CNNM2: variants seen among roughly 807,000 people sequenced by gnomAD.
The protein encoded by CNNM2 is metal transporter CNNM2.
A neutral mutation model predicts 66.9 loss-of-function variants in CNNM2; 12 were observed. That is an observed-to-expected ratio of 0.18 (90% confidence interval 0.11 to 0.29). CNNM2 has a LOEUF of 0.29. Among genes scored for constraint, CNNM2 ranks in the 10% least tolerant of loss-of-function variants. CNNM2 has a pLI of 1.00. For missense variants in CNNM2, 705 were observed against 1,167.7 expected, an observed-to-expected ratio of 0.60 and a Z score of 5.77; for synonymous variants, 557 against 501.8, an observed-to-expected ratio of 1.11 and a Z score of -1.47.
chr10:103,042,962 G>A (rs1031028242), intron 1 of CNNM2, among the ~76,000 whole-genome samples: 4 of 152,056 alleles, frequency 2.6e-5, no homozygotes, highest in African/African-American at 7.2e-5. Context: ...CCTATTTATT[G>A]AATTATTATA....
At chr10:103,019,616 CA>C (rs2064530684) in intron 1 of CNNM2, among the ~76,000 whole-genome samples, 1 of 152,134 alleles carries the variant, frequency 6.6e-6, no homozygotes, top group Admixed American at 6.5e-5. Context: ...GGCGTCTCAC[CA>C]TGTAGCATTC....
intron 1 of CNNM2, among the ~76,000 whole-genome samples, chr10:102,970,083 T>C (rs1590328428): frequency 6.6e-6 from 1 of 152,270 alleles, no homozygotes; most frequent in Non-Finnish European, 1.5e-5. Context: ...TGATATAAAC[T>C]ACCTGTGGCC....
intron 1 of CNNM2, among the ~76,000 whole-genome samples, chr10:102,967,554 T>C (rs2063483867): frequency 6.6e-6 from 1 of 152,236 alleles, no homozygotes. Flanking sequence ...CTACTTTCAC[T>C]TAGCAAAATG....
intron 1 of CNNM2, among the ~76,000 whole-genome samples, chr10:103,004,128 A>T: frequency 1.4e-5 from 1 of 69,844 alleles, no homozygotes; most frequent in African/African-American, 5.8e-5. Context: ...TCAGCCTCCC[A>T]AGTAGCTGGA....
At chr10:102,976,977 A>C (rs766151186) in intron 1 of CNNM2, among the ~76,000 whole-genome samples, 1 of 152,100 alleles carries the variant, frequency 6.6e-6, no homozygotes, top group Non-Finnish European at 1.5e-5. Context: ...ATGCAGCTTG[A>C]CTATTAACAC....
intron 4 of CNNM2, among the ~76,000 whole-genome samples, chr10:103,059,656 A>G (rs1185509065): frequency 6.6e-6 from 1 of 152,212 alleles, no homozygotes; most frequent in African/African-American, 2.4e-5. Flanking sequence ...TTGGCTCTAC[A>G]TGCTTTAAAT....
intron 1 of CNNM2, among the ~76,000 whole-genome samples, chr10:102,946,728 C>G (rs916461062): frequency 6.6e-5 from 10 of 152,230 alleles, no homozygotes; most frequent in African/African-American, 2.4e-4. Flanking sequence ...TTTCTGTAGC[C>G]TGAAAGAGTT....
intron 1 of CNNM2, among the ~76,000 whole-genome samples, chr10:102,926,138 A>G (rs1845851714): frequency 6.6e-6 from 1 of 152,196 alleles, no homozygotes; most frequent in African/African-American, 2.4e-5. Context: ...TCATCAAAGC[A>G]TTTGAAGCCC....
intron 1 of CNNM2, among the ~76,000 whole-genome samples, chr10:102,983,178 C>G (rs1228225383): frequency 6.6e-6 from 1 of 151,472 alleles, no homozygotes; most frequent in East Asian, 1.9e-4. Flanking sequence ...CAGGTGTGAT[C>G]TAAATATTAT....
intron 1 of CNNM2, among the ~76,000 whole-genome samples, chr10:103,029,609 T>A (rs2064782653): frequency 1.3e-5 from 2 of 152,138 alleles, no homozygotes; most frequent in South Asian, 4.1e-4. Context: ...ACGCCTGTAA[T>A]CCCAGCACTT....
intron 4 of CNNM2, among the ~76,000 whole-genome samples, chr10:103,066,090 G>A (rs565562224): frequency 6.6e-5 from 10 of 152,224 alleles, no homozygotes; most frequent in Non-Finnish European, 1.0e-4. Flanking sequence ...TGCTCCCGGC[G>A]GCCTTGAGCA....
chr10:103,076,865 C>A, intron 7 of CNNM2, 106 bp from the exon 8 acceptor site: 1 of 1,013,186 alleles, frequency 9.9e-7, no homozygotes. Context: ...GTGATTTTCT[C>A]CTAGAGAGGC....
rs2066199416 is a variant in CNNM2 at position 103,089,710 on chromosome 10, C to T, written c.*12530C>T. 2 of 1,612,112 alleles carry T rather than the reference C, an allele frequency of 1.2e-6. No homozygotes were observed. Among genetic ancestry groups the T allele is most frequent in the African/African-American group, 2.7e-5 (2 of 74,804 alleles). ...TCCTCCTCCTCTTCATCATCATCTT[C>T]GTCATGGCAGTGTGTAATTTCCTGG... is the stretch of plus-strand genomic sequence containing the variant. On this transcript the variant is annotated 3_prime_UTR_variant, in exon 8 of 8. Transcript: ENST00000369878.
intron 1 of CNNM2, among the ~76,000 whole-genome samples, chr10:102,942,811 A>G (rs1167633715): frequency 6.6e-6 from 1 of 152,238 alleles, no homozygotes; most frequent in Non-Finnish European, 1.5e-5. Flanking sequence ...GTCTAGCTAT[A>G]TACATATGAT....
At chr10:103,075,352 T>C (rs1392316830) in intron 6 of CNNM2, among the ~76,000 whole-genome samples, 1 of 152,174 alleles carries the variant, frequency 6.6e-6, no homozygotes, top group African/African-American at 2.4e-5. Flanking sequence ...TAATGACGTT[T>C]CCATTAGAAG....
Position 103,089,993 on chromosome 10 carries a change from T to C in CNNM2, c.*12813T>C, listed in dbSNP as rs1256487208. On this transcript the variant is annotated 3_prime_UTR_variant, in exon 8 of 8. Coordinates refer to ENST00000369878, the MANE Select transcript of CNNM2 (RefSeq NM_017649.5). ...ATCCTAACCCCTCTCCTCTGTTAGG[T>C]GGCCATGCAATTACATCTATAATGG... The C allele has an allele frequency of 3.7e-6, 4 of 1,076,362 alleles. No individual in the cohort carries two copies. The highest frequency in any genetic ancestry group is 5.3e-6 in the Non-Finnish European group (4 of 756,808). 66.7% of individuals were successfully genotyped at this position (1,076,362 alleles called of 1,614,324 possible).
chr10:103,037,461 G>A (rs1006127529), intron 1 of CNNM2, among the ~76,000 whole-genome samples: 2 of 151,762 alleles, frequency 1.3e-5, no homozygotes, highest in Admixed American at 6.6e-5. Flanking sequence ...GAAAGCATAC[G>A]ATGGGAAAAT....
intron 1 of CNNM2, 92 bp from the exon 2 acceptor site, chr10:103,049,615 C>T (rs1193632573): frequency 2.9e-5 from 33 of 1,155,398 alleles, no homozygotes; most frequent in Non-Finnish European, 4.0e-5. Context: ...AATTCGACAT[C>T]TGTGTTTGCT....
At chr10:102,951,044 G>A (rs1846811174) in intron 1 of CNNM2, among the ~76,000 whole-genome samples, 1 of 136,898 alleles carries the variant, frequency 7.3e-6, no homozygotes, top group Admixed American at 8.0e-5. Flanking sequence ...CTTGAGTGCA[G>A]TGGTGTGATC....
Sources: allele counts gnomAD v4.1 joint callset (sites outside exome capture counted in the v4.1 genomes callset), GRCh38; gene constraint gnomAD v4.1.1; transcripts MANE v1.5; gene names NCBI Gene and HGNC (gene_info 2026-07-23, HGNC 2026-07-21).